Variants in PRPSAP2 observed in about 807,000 individuals in gnomAD.
PRPSAP2 encodes the protein phosphoribosyl pyrophosphate synthase-associated protein 2.
Under a neutral mutation model 40.6 loss-of-function variants are expected in PRPSAP2, and 24 were observed. That is an observed-to-expected ratio of 0.59 (90% CI 0.43 to 0.83). The LOEUF is 0.83. Ranked by LOEUF, PRPSAP2 falls within the 40% of genes least tolerant of loss-of-function variation. The pLI is 0.00. For synonymous variants in PRPSAP2, 149 were observed against 164.7 expected (o/e 0.90, Z 0.73); for missense variants, 292 against 465.6 (o/e 0.63, Z 3.43).
At chr17:18,928,623 T>C (rs1197750384) in intron 10 of PRPSAP2, 188 bp from the exon 11 acceptor site, 1 of 650,500 alleles carries the variant, frequency 1.5e-6, no homozygotes, top group Non-Finnish European at 2.7e-6. Context: ...AAGAGGCTCG[T>C]GTGAAAGTAC....
intron 5 of PRPSAP2, among the ~76,000 whole-genome samples, chr17:18,876,146 A>C (rs903876590): frequency 6.6e-6 from 1 of 152,184 alleles, no homozygotes; most frequent in Non-Finnish European, 1.5e-5. Context: ...AAACAAACAA[A>C]CAAAAAAATG....
intron 10 of PRPSAP2, among the ~76,000 whole-genome samples, chr17:18,926,952 G>C (rs1263196897): frequency 6.6e-6 from 1 of 152,128 alleles, no homozygotes; most frequent in African/African-American, 2.4e-5. Context: ...GCAACCCCTT[G>C]TGTCTTTGTC....
intron 8 of PRPSAP2, among the ~76,000 whole-genome samples, chr17:18,899,602 C>G (rs146317109): frequency 5.0e-5 from 7 of 139,970 alleles, no homozygotes; most frequent in African/African-American, 1.8e-4. Context: ...GATCACAGCT[C>G]ACTGCAACCT....
chr17:18,894,219 A>G (rs2039767464), intron 8 of PRPSAP2, among the ~76,000 whole-genome samples: 1 of 151,272 alleles, frequency 6.6e-6, no homozygotes, highest in Admixed American at 6.6e-5. Context: ...GTACAATGGC[A>G]CGATCTCAGC....
At position 18,930,828 on chromosome 17, in the gene PRPSAP2, C is replaced by A; in HGVS notation, c.*130C>A. ...CTGTAACCTCACTTCTTATTGATTC[C>A]TAAGAAGATAGACCAACTTTTTATG... On this transcript the variant is annotated 3_prime_UTR_variant, in exon 12 of 12. Coordinates refer to ENST00000268835, the MANE Select transcript of PRPSAP2 (RefSeq NM_002767.4). 3.6e-6 allele frequency: 3 copies of A among 834,420 alleles called. No homozygotes were observed. Among genetic ancestry groups the A allele is most frequent in the Non-Finnish European group, 5.0e-6 (3 of 602,194 alleles). The allele number at this position is 834,420 out of a possible 1,614,324, so 51.7% of individuals were successfully genotyped here.
intron 9 of PRPSAP2, among the ~76,000 whole-genome samples, chr17:18,916,067 C>T (rs956024026): frequency 2.6e-5 from 4 of 152,142 alleles, no homozygotes; most frequent in Admixed American, 6.6e-5. Flanking sequence ...ATCTGCCTAC[C>T]TCGGCCTCCC....
chr17:18,896,935 A>G (rs974128111), intron 8 of PRPSAP2, among the ~76,000 whole-genome samples: 1 of 152,044 alleles, frequency 6.6e-6, no homozygotes, highest in East Asian at 1.9e-4. Context: ...TAATGGAATA[A>G]TGGGAATGGG....
intron 5 of PRPSAP2, among the ~76,000 whole-genome samples, chr17:18,874,167 A>T (rs1306958194): frequency 6.6e-6 from 1 of 151,998 alleles, no homozygotes; most frequent in Non-Finnish European, 1.5e-5. Context: ...GACCTCCTAT[A>T]TTGCTGAGAT....
At chr17:18,896,329 C>T (rs2039901042) in intron 8 of PRPSAP2, among the ~76,000 whole-genome samples, 1 of 152,126 alleles carries the variant, frequency 6.6e-6, no homozygotes, top group Non-Finnish European at 1.5e-5. Flanking sequence ...CAGAGATTTC[C>T]TGAAATGCCT....
chr17:18,921,866 A>T (rs778473899), intron 9 of PRPSAP2, among the ~76,000 whole-genome samples: 2 of 152,230 alleles, frequency 1.3e-5, no homozygotes, highest in Non-Finnish European at 1.5e-5. Context: ...ATTTTAAAGT[A>T]TAAAATTTAC....
chr17:18,878,669 T>G (rs2038484472), intron 6 of PRPSAP2, among the ~76,000 whole-genome samples: 1 of 152,094 alleles, frequency 6.6e-6, no homozygotes, highest in African/African-American at 2.4e-5. Flanking sequence ...GCGATTCTCC[T>G]GCCTCAGCCT....
chr17:18,897,991 C>CTTTTTTTTTTTTTTT (rs71155370), intron 8 of PRPSAP2, among the ~76,000 whole-genome samples: 1 of 116,332 alleles, frequency 8.6e-6, no homozygotes, highest in Non-Finnish European at 1.7e-5. Flanking sequence ...AGAATTTTTG[C>CTTTTTTTTTTTTTTT]TTTTTTTTTT....
intron 9 of PRPSAP2, among the ~76,000 whole-genome samples, chr17:18,913,064 G>A (rs1003366894): frequency 2.0e-5 from 3 of 152,192 alleles, no homozygotes; most frequent in African/African-American, 7.2e-5. Flanking sequence ...TCTCATGCCT[G>A]CATCTCTCAG....
intron 8 of PRPSAP2, among the ~76,000 whole-genome samples, chr17:18,904,076 T>C (rs2040438247): frequency 6.6e-6 from 1 of 152,220 alleles, no homozygotes; most frequent in African/African-American, 2.4e-5. Flanking sequence ...AGACTTGGGC[T>C]TCCACTTGTG....
chr17:18,892,334 T>C (rs1253035819), intron 8 of PRPSAP2, among the ~76,000 whole-genome samples: 1 of 152,160 alleles, frequency 6.6e-6, no homozygotes, highest in Non-Finnish European at 1.5e-5. Flanking sequence ...TTTTCCTTTC[T>C]TGTGGATATA....
intron 8 of PRPSAP2, among the ~76,000 whole-genome samples, chr17:18,906,026 C>T (rs1342780043): frequency 6.6e-6 from 1 of 152,102 alleles, no homozygotes; most frequent in East Asian, 1.9e-4. Context: ...CCTCTTTTCC[C>T]TTAGGACAAA....
upstream of PRPSAP2, among the ~76,000 whole-genome samples, chr17:18,857,025 A>G (rs2036625519): frequency 1.3e-5 from 2 of 152,160 alleles, no homozygotes; most frequent in Admixed American, 1.3e-4. Flanking sequence ...AAAGGCGACA[A>G]GGCAAATAAC....
chr17:18,865,941 G>C lies in PRPSAP2; in HGVS notation c.108G>C (p.Lys36Asn). 6.9e-7 allele frequency: 1 copy of C among 1,440,778 alleles called. No individual in the cohort carries two copies. Among genetic ancestry groups the C allele is most frequent in the Non-Finnish European group, 9.3e-7 (1 of 1,079,764 alleles). 89.2% of individuals were successfully genotyped at this position (1,440,778 alleles called of 1,614,324 possible). A position where few individuals can be genotyped will look rare whatever the true frequency, so the allele number is the denominator to read the frequency against. The change falls in exon 3 of 12, where the codon AAG becomes AAC. Residue 36 changes from lysine (K) to asparagine (N), a missense_variant. Physicochemically the swap from Lys to Asn is moderately conservative, Grantham distance 94. Coordinates refer to ENST00000268835, the MANE Select transcript of PRPSAP2 (RefSeq NM_002767.4). ...NSNSSCMELSKKIAERLGVEM... is the reference protein window; with the variant it reads ...NSNSSCMELSNKIAERLGVEM... ...ATTCATCATGTATGGAGCTATCAAAGAAAATTGCAGAGTGAGTTATAATTG... is the reference window on the plus strand; with the variant it reads ...ATTCATCATGTATGGAGCTATCAAACAAAATTGCAGAGTGAGTTATAATTG...
chr17:18,889,809 T>C lies in PRPSAP2; in HGVS notation c.529-13T>C. ...TTGACATGCAGTAATACCTGACTTC[T>C]TGTCTGTCACAGATCCCAGATTACA... On this transcript the variant is annotated splice_polypyrimidine_tract_variant and intron_variant, in intron 7 of 11. Transcript: ENST00000268835. 2 of 1,603,820 alleles carry C rather than the reference T, an allele frequency of 1.2e-6. No homozygotes were observed. The highest frequency in any genetic ancestry group is 2.3e-5 in the South Asian group (2 of 88,742).
Sources: allele counts gnomAD v4.1 joint callset (sites outside exome capture counted in the v4.1 genomes callset), GRCh38; gene constraint gnomAD v4.1.1; transcripts MANE v1.5; gene names NCBI Gene and HGNC (gene_info 2026-07-23, HGNC 2026-07-21).